WAPL: variants seen among roughly 807,000 people sequenced by gnomAD.
WAPL encodes WAPL cohesin release factor.
Under a neutral mutation model 121.0 loss-of-function variants are expected in WAPL, and 5 were observed. That is an observed-to-expected ratio of 0.04 (90% CI 0.02 to 0.09). The LOEUF (loss-of-function observed/expected upper bound fraction) is 0.09, where lower values mean the gene tolerates loss of function less well. Ranked by LOEUF, WAPL falls within the 10% of genes least tolerant of loss-of-function variation. The probability of loss-of-function intolerance (pLI) is 1.00; values close to 1 mark genes in which losing one functional copy is unlikely to be tolerated. For missense variants in WAPL, 999 were observed against 1,410.8 expected (o/e 0.71, Z 4.68); for synonymous variants, 480 against 481.5 (o/e 1.00, Z 0.04).
intron 9 of WAPL, among the ~76,000 whole-genome samples, chr10:86,462,485 C>G (rs1283395547): frequency 6.6e-6 from 1 of 151,804 alleles, no homozygotes; most frequent in African/African-American, 2.4e-5. Context: ...TTTGGGAGGC[C>G]GAGGCGGGCT....
At position 86,517,551 on chromosome 10, in the gene WAPL, T is replaced by A. The variant is rs771257594; in HGVS notation, c.499+20A>T. On this transcript the variant is annotated intron_variant, in intron 2 of 18. Transcript: ENST00000298767. ...TGCACAAAGCTCTCTTGGCGGAGAA[T>A]AAAGAAAATCAAAACTTACCTGAAG... is the stretch of plus-strand genomic sequence containing the variant. 2 of 1,582,604 alleles carry A rather than the reference T, an allele frequency of 1.3e-6. No individual in the cohort carries two copies. The highest frequency in any genetic ancestry group is 8.6e-7 in the Non-Finnish European group (1 of 1,166,030).
chr10:86,459,993 A>C (rs1374448188), intron 11 of WAPL, among the ~76,000 whole-genome samples: 1 of 152,186 alleles, frequency 6.6e-6, no homozygotes, highest in African/African-American at 2.4e-5. Context: ...ACATGCCTAT[A>C]ATCCCAGCTA....
At chr10:86,483,015 T>G (rs958471840) in intron 4 of WAPL, among the ~76,000 whole-genome samples, 2 of 152,182 alleles carry the variant, frequency 1.3e-5, no homozygotes, top group South Asian at 2.1e-4. Context: ...AAGATTTTAA[T>G]GGAGCTGAAA....
intron 2 of WAPL, 150 bp downstream of exon 2, chr10:86,517,421 T>A (rs1276618447): frequency 1.7e-6 from 2 of 1,204,420 alleles, no homozygotes; most frequent in Non-Finnish European, 2.2e-6. Flanking sequence ...TTCTTTAAAG[T>A]TCTTAAATGT....
chr10:86,444,892 CAAAAAAAAAA>C (rs35307250), intron 16 of WAPL, among the ~76,000 whole-genome samples: 3 of 68,194 alleles, frequency 4.4e-5, no homozygotes, highest in African/African-American at 1.7e-4. Flanking sequence ...GTTATTACGC[CAAAAAAAAAA>C]AAAAAAAAAA....
At chr10:86,444,384 A>C (rs954106160) in intron 16 of WAPL, among the ~76,000 whole-genome samples, 13 of 152,240 alleles carry the variant, frequency 8.5e-5, no homozygotes, top group Admixed American at 5.2e-4. Flanking sequence ...GTCTACAAAA[A>C]AACTTGTAGA....
chr10:86,475,260 C>T (rs1841625631), intron 4 of WAPL, among the ~76,000 whole-genome samples: 1 of 152,228 alleles, frequency 6.6e-6, no homozygotes, highest in African/African-American at 2.4e-5. Context: ...ACCTCATCCT[C>T]TCTATCCTCT....
At chr10:86,508,513 T>A (rs1191417757) in intron 2 of WAPL, among the ~76,000 whole-genome samples, 3 of 151,938 alleles carry the variant, frequency 2.0e-5, no homozygotes, top group Non-Finnish European at 4.4e-5. Flanking sequence ...AAACACTTGT[T>A]ACCCCCCATT....
At chr10:86,461,387 ACAC>A (rs750998447) in intron 9 of WAPL, 100 bp from the exon 10 acceptor site, 40 of 834,132 alleles carry the variant, frequency 4.8e-5, no homozygotes, top group Non-Finnish European at 6.3e-5. Context: ...ATGTAGTTTA[ACAC>A]CACTTTTATA....
intron 2 of WAPL, among the ~76,000 whole-genome samples, chr10:86,509,152 G>T (rs1016261978): frequency 6.6e-6 from 1 of 151,974 alleles, no homozygotes; most frequent in Non-Finnish European, 1.5e-5. Flanking sequence ...ACTGAATTTC[G>T]AATTAATTGT....
At chr10:86,442,984 A>G (rs1279325448) in intron 17 of WAPL, among the ~76,000 whole-genome samples, 1 of 147,012 alleles carries the variant, frequency 6.8e-6, no homozygotes, top group African/African-American at 2.5e-5. Flanking sequence ...TGGAGCTTGC[A>G]GTGAGCCGAG....
chr10:86,498,576 T>G (rs942512143), intron 3 of WAPL, among the ~76,000 whole-genome samples: 2 of 152,200 alleles, frequency 1.3e-5, no homozygotes, highest in Non-Finnish European at 2.9e-5. Context: ...ACTGTAATTC[T>G]AATTTACCAT....
At chr10:86,489,948 G>A (rs1222678519) in intron 4 of WAPL, among the ~76,000 whole-genome samples, 2 of 150,884 alleles carry the variant, frequency 1.3e-5, no homozygotes, top group Admixed American at 6.6e-5. Flanking sequence ...GGCTTGGCAC[G>A]GTGGGAGGCC....
At chr10:86,497,838 A>G (rs1842179282) in intron 3 of WAPL, among the ~76,000 whole-genome samples, 1 of 152,238 alleles carries the variant, frequency 6.6e-6, no homozygotes, top group African/African-American at 2.4e-5. Context: ...ATTTAAAATG[A>G]CCTAATATAA....
chr10:86,446,219 T>C (rs755928848), intron 16 of WAPL, 23 bp downstream of exon 16: 2 of 1,610,648 alleles, frequency 1.2e-6, no homozygotes, highest in Admixed American at 1.7e-5. Context: ...TCAATTTAAA[T>C]ACACCATTCA....
At chr10:86,490,294 T>C (rs1455104546) in intron 4 of WAPL, among the ~76,000 whole-genome samples, 1 of 152,184 alleles carries the variant, frequency 6.6e-6, no homozygotes, top group Non-Finnish European at 1.5e-5. Context: ...CTCTTTTTGT[T>C]TTATAAATTA....
chr10:86,497,395 T>C (rs746436961), intron 3 of WAPL, 76 bp from the exon 4 acceptor site: 51 of 1,030,482 alleles, frequency 4.9e-5, no homozygotes, highest in Non-Finnish European at 6.9e-5. Flanking sequence ...AGATTATATA[T>C]ACATGAATGA....
intron 4 of WAPL, among the ~76,000 whole-genome samples, chr10:86,474,439 C>T (rs1428856202): frequency 1.3e-5 from 2 of 148,706 alleles, no homozygotes; most frequent in South Asian, 2.1e-4. Flanking sequence ...CACCTGAATC[C>T]GGAGGCAGAG....
chr10:86,506,367 C>G lies in WAPL; in HGVS notation c.500-5624G>C, dbSNP rs180965701. On this transcript the variant is annotated intron_variant, in intron 2 of 18. Transcript: ENST00000298767. The stretch of plus-strand genomic sequence containing the variant: ...TTAGGTAATGGTTACAGGAGTGTTC[C>G]TCTTCTAATAATTAATTAAGCTAGA... Among the ~76,000 whole-genome samples the G allele has an allele frequency of 8.5e-5, 13 of 152,232 alleles. No homozygotes were observed. The East Asian group carries it at 1.7e-3, about 20-fold the overall frequency.
Sources: gnomAD v4.1 joint callset for allele counts (sites outside exome capture counted in the v4.1 genomes callset) on GRCh38, gnomAD v4.1.1 for gene constraint, MANE v1.5 for transcripts, NCBI Gene and HGNC (gene_info 2026-07-23, HGNC 2026-07-21) for gene names.